Variants in THSD7B observed in about 807,000 individuals in gnomAD.
THSD7B encodes thrombospondin type 1 domain containing 7B.
Under a neutral mutation model 213.6 loss-of-function variants are expected in THSD7B, and 138 were observed. The observed-to-expected ratio is 0.65, with a 90% CI of 0.56 to 0.74. The LOEUF (loss-of-function observed/expected upper bound fraction) is 0.74, where lower values mean the gene tolerates loss of function less well. Ranked by LOEUF, THSD7B falls within the 30% of genes least tolerant of loss-of-function variation. THSD7B has a pLI of 0.00. For missense variants in THSD7B, 1,931 were observed against 1,991.5 expected (o/e 0.97, Z 0.58); for synonymous variants, 742 against 687.0 (o/e 1.08, Z -1.25).
rs534049714 is a variant in THSD7B, at chr2:136,968,222, A to G, written c.139+85905A>G. 1.6e-4 allele frequency among the ~76,000 whole-genome samples: 25 copies of G among 152,296 alleles called. 1 individual carries two copies. In the South Asian group the frequency reaches 5.2e-3, roughly 32 times the overall value. ...GATGAAACTAATTTACTTTCCTATT[A>G]GCATTATTTGGAGGTCTACAGTATT... On this transcript the variant is annotated intron_variant, in intron 2 of 27. Coordinates refer to ENST00000409968, the MANE Select transcript of THSD7B (RefSeq NM_001316349.2).
intron 2 of THSD7B, among the ~76,000 whole-genome samples, chr2:136,898,683 A>C (rs1253585269): frequency 1.4e-5 from 2 of 138,386 alleles, no homozygotes; most frequent in African/African-American, 5.5e-5. Flanking sequence ...TCCCCCCATC[A>C]CCAGGCTGGA....
At chr2:136,857,100 C>G (rs1176227287) in intron 1 of THSD7B, among the ~76,000 whole-genome samples, 1 of 152,156 alleles carries the variant, frequency 6.6e-6, no homozygotes, top group Non-Finnish European at 1.5e-5. Context: ...ATATCAGGAA[C>G]ATGACTTACC....
rs537436313 is a variant in THSD7B, at chr2:137,331,455, G to T, written c.2500+55429G>T. 2.4e-3 allele frequency among the ~76,000 whole-genome samples: 362 copies of T among 152,348 alleles called. 1 individual carries two copies. Among genetic ancestry groups the T allele is most frequent in the African/African-American group, 8.3e-3 (346 of 41,588 alleles). ...TGATTGGTGTGTTTACAAACCTTGA[G>T]CTAGATGCAGAGTGCTGATTGGTGT... On this transcript the variant is annotated intron_variant, in intron 12 of 27. Transcript: ENST00000409968.
intron 15 of THSD7B, among the ~76,000 whole-genome samples, chr2:137,528,392 T>A (rs963188902): frequency 1.3e-5 from 2 of 152,110 alleles, no homozygotes; most frequent in Admixed American, 6.6e-5. Flanking sequence ...CAGATAGTAA[T>A]GACTACCTCA....
intron 15 of THSD7B, among the ~76,000 whole-genome samples, chr2:137,506,577 A>T (rs1407492226): frequency 6.6e-6 from 1 of 152,232 alleles, no homozygotes; most frequent in African/African-American, 2.4e-5. Flanking sequence ...AGATGTGGAG[A>T]CACATAGATA....
At chr2:137,486,864 G>A (rs1688458935) in intron 15 of THSD7B, among the ~76,000 whole-genome samples, 1 of 152,098 alleles carries the variant, frequency 6.6e-6, no homozygotes, top group Non-Finnish European at 1.5e-5. Flanking sequence ...CAACTACATG[G>A]AAACTGAACA....
chr2:137,265,136 G>A (rs1269946542), intron 10 of THSD7B, among the ~76,000 whole-genome samples: 5 of 152,150 alleles, frequency 3.3e-5, no homozygotes, highest in Non-Finnish European at 7.4e-5. Context: ...TTTCATCCAT[G>A]TCCCTACAAA....
intron 2 of THSD7B, among the ~76,000 whole-genome samples, chr2:137,037,492 A>G (rs890219583): frequency 3.5e-5 from 4 of 114,110 alleles, no homozygotes; most frequent in African/African-American, 7.5e-5. Context: ...ACAGGGCTTT[A>G]TGAATCTAGT....
At chr2:137,624,918 G>T (rs1320978732) in intron 20 of THSD7B, among the ~76,000 whole-genome samples, 1 of 152,216 alleles carries the variant, frequency 6.6e-6, no homozygotes, top group Non-Finnish European at 1.5e-5. Context: ...ACAGTGTGGT[G>T]ATCCCTCAAG....
Position 137,016,482 on chromosome 2 carries a change from C to G in THSD7B, c.140-39938C>G, listed in dbSNP as rs950499790. 2.6e-5 allele frequency among the ~76,000 whole-genome samples: 4 copies of G among 152,136 alleles called. No homozygotes were observed. In the East Asian group the frequency reaches 7.7e-4, roughly 29 times the overall value. On this transcript the variant is annotated intron_variant, in intron 2 of 27. Coordinates refer to ENST00000409968, the MANE Select transcript of THSD7B (RefSeq NM_001316349.2). ...TTACTTCCTTAGTAAGTTGGACAAA[C>G]GCTGCCATCTTACTGTGAAACCTAC... is the stretch of plus-strand genomic sequence containing the variant.
intron 12 of THSD7B, among the ~76,000 whole-genome samples, chr2:137,397,755 A>C (rs903599050): frequency 6.6e-6 from 1 of 151,810 alleles, no homozygotes; most frequent in Non-Finnish European, 1.5e-5. Context: ...AATATCCTGC[A>C]GAGTGTTTTC....
chr2:137,578,740 G>T (rs1308692635), intron 17 of THSD7B, among the ~76,000 whole-genome samples: 1 of 152,122 alleles, frequency 6.6e-6, no homozygotes, highest in Non-Finnish European at 1.5e-5. Context: ...GGAAATGATA[G>T]GGACCTAGGT....
At chr2:137,276,100 C>A in intron 12 of THSD7B, 74 bp downstream of exon 12, 2 of 1,023,492 alleles carry the variant, frequency 2.0e-6, no homozygotes, top group South Asian at 1.6e-5. Context: ...GTGTTGCTTA[C>A]TTTTATATTT....
intron 12 of THSD7B, among the ~76,000 whole-genome samples, chr2:137,284,284 C>T (rs1007607189): frequency 2.0e-5 from 3 of 151,960 alleles, no homozygotes; most frequent in African/African-American, 7.2e-5. Flanking sequence ...TTTGATTCTT[C>T]TCTCTTTTCT....
chr2:136,952,678 TA>T (rs1277680964), intron 2 of THSD7B, among the ~76,000 whole-genome samples: 4 of 152,182 alleles, frequency 2.6e-5, no homozygotes, highest in African/African-American at 9.6e-5. Flanking sequence ...TCAAAGAACC[TA>T]AAATTTCTAT....
At chr2:137,057,470 T>A (rs1304537754) in intron 3 of THSD7B, among the ~76,000 whole-genome samples, 1 of 152,124 alleles carries the variant, frequency 6.6e-6, no homozygotes, top group Admixed American at 6.5e-5. Context: ...ATATATAGGA[T>A]AAGTCATATA....
chr2:137,029,727 A>AG (rs1291240886), intron 2 of THSD7B, among the ~76,000 whole-genome samples: 8 of 152,162 alleles, frequency 5.3e-5, no homozygotes, highest in Admixed American at 2.6e-4. Context: ...CAGAGCTGTC[A>AG]GGGTGTTAGG....
intron 15 of THSD7B, among the ~76,000 whole-genome samples, chr2:137,511,462 G>C (rs1239108131): frequency 1.3e-5 from 2 of 152,164 alleles, no homozygotes; most frequent in African/African-American, 4.8e-5. Flanking sequence ...GCAACCAAAG[G>C]GTTGTTGTGT....
intron 20 of THSD7B, among the ~76,000 whole-genome samples, chr2:137,629,837 T>C (rs1307181707): frequency 6.6e-6 from 1 of 152,170 alleles, no homozygotes; most frequent in Admixed American, 6.5e-5. Context: ...GATGGTGCCA[T>C]AGCTCTTGTG....
Sources: gnomAD v4.1 joint callset for allele counts (sites outside exome capture counted in the v4.1 genomes callset) on GRCh38, gnomAD v4.1.1 for gene constraint, MANE v1.5 for transcripts, NCBI Gene and HGNC (gene_info 2026-07-23, HGNC 2026-07-21) for gene names.